Variants in MCU observed in about 807,000 individuals in gnomAD.
MCU encodes the protein calcium uniporter protein, mitochondrial.
Under a neutral mutation model 45.2 loss-of-function variants are expected in MCU, and 12 were observed. The observed-to-expected ratio is 0.27, with a 90% CI of 0.17 to 0.43. The LOEUF is 0.43. Among genes scored for constraint, MCU ranks in the 20% least tolerant of loss-of-function variants. The pLI is 1.00. For missense variants in MCU, 324 were observed against 436.7 expected (o/e 0.74, Z 2.30); for synonymous variants, 160 against 165.1 (o/e 0.97, Z 0.24).
At chr10:72,863,741 C>G (rs531984200) in intron 4 of MCU, among the ~76,000 whole-genome samples, 23 of 152,138 alleles carry the variant, frequency 1.5e-4, no homozygotes, top group Non-Finnish European at 3.4e-4. Context: ...CTCAGCCTCC[C>G]TGTAACTGGG....
At position 72,859,110 on chromosome 10, in the gene MCU, G is replaced by C. The variant is rs1845336981; in HGVS notation, c.221-67G>C. The C allele has an allele frequency of 2.8e-6, 4 of 1,416,178 alleles. No homozygotes were observed. The African/African-American group carries it at 5.7e-5, about 20-fold the overall frequency. The allele number at this position is 1,416,178 out of a possible 1,614,324, so 87.7% of individuals were successfully genotyped here. On this transcript the variant is annotated intron_variant, in intron 2 of 7. Coordinates refer to ENST00000373053, the MANE Select transcript of MCU (RefSeq NM_138357.3). Reference sequence around the variant, plus strand: ...AATAATAGACCCCCATGCAAGAATGGTAATAATGTGACTTTAACTTACATT... The same window carrying C: ...AATAATAGACCCCCATGCAAGAATGCTAATAATGTGACTTTAACTTACATT...
At chr10:72,831,497 TTTTTG>T (rs531976791) in intron 1 of MCU, among the ~76,000 whole-genome samples, 257 of 152,258 alleles carry the variant, frequency 1.7e-3, no homozygotes, top group African/African-American at 5.3e-3. Context: ...ATAGGGTTGG[TTTTTG>T]TTTTGTTTTG....
intron 2 of MCU, among the ~76,000 whole-genome samples, chr10:72,845,283 C>T (rs1379321660): frequency 1.3e-5 from 2 of 151,984 alleles, no homozygotes; most frequent in African/African-American, 4.8e-5. Context: ...AAATGTGAAA[C>T]ACAAGGCTCT....
At chr10:72,877,994 A>T (rs1168226871) in intron 6 of MCU, among the ~76,000 whole-genome samples, 3 of 152,088 alleles carry the variant, frequency 2.0e-5, no homozygotes, top group Non-Finnish European at 4.4e-5. Flanking sequence ...TAGTCCTGGA[A>T]TACTGGTAAT....
At chr10:72,741,567 A>G (rs574272331) in intron 1 of MCU, among the ~76,000 whole-genome samples, 1 of 152,350 alleles carries the variant, frequency 6.6e-6, no homozygotes, top group East Asian at 1.9e-4. Context: ...AGTGAGAGGC[A>G]TCTTAACAGT....
intron 6 of MCU, 105 bp from the exon 7 acceptor site, chr10:72,884,161 T>A (rs1845745575): frequency 4.2e-6 from 3 of 718,890 alleles, no homozygotes. Context: ...ACAGCACATG[T>A]CAGCACACAC....
intron 1 of MCU, among the ~76,000 whole-genome samples, chr10:72,810,122 T>G (rs1844517143): frequency 6.6e-6 from 1 of 151,860 alleles, no homozygotes; most frequent in Non-Finnish European, 1.5e-5. Flanking sequence ...GTTGGAGACA[T>G]TAAAGATGCA....
intron 1 of MCU, among the ~76,000 whole-genome samples, chr10:72,703,069 A>G (rs1057459844): frequency 5.9e-5 from 9 of 152,302 alleles, no homozygotes; most frequent in South Asian, 2.1e-4. Flanking sequence ...CCAATCTGAC[A>G]TGACCTCATG....
At chr10:72,707,450 C>A (rs1210785244) in intron 1 of MCU, among the ~76,000 whole-genome samples, 1 of 152,108 alleles carries the variant, frequency 6.6e-6, no homozygotes, top group African/African-American at 2.4e-5. Flanking sequence ...TCACCCGCCT[C>A]GGCCTCCCAA....
intron 1 of MCU, among the ~76,000 whole-genome samples, chr10:72,783,175 C>T (rs1377220991): frequency 6.6e-6 from 1 of 152,180 alleles, no homozygotes; most frequent in Non-Finnish European, 1.5e-5. Context: ...TAGAGAATGT[C>T]AATGTGTAGA....
At chr10:72,763,470 A>G (rs1435662200) in intron 1 of MCU, among the ~76,000 whole-genome samples, 1 of 152,078 alleles carries the variant, frequency 6.6e-6, no homozygotes, top group Non-Finnish European at 1.5e-5. Flanking sequence ...CTACATGAGT[A>G]TATATAGAGG....
chr10:72,786,153 TTTAG>T (rs1244887939), intron 1 of MCU, among the ~76,000 whole-genome samples: 1 of 152,112 alleles, frequency 6.6e-6, no homozygotes, highest in Non-Finnish European at 1.5e-5. Flanking sequence ...TGTCATCCAG[TTTAG>T]TTAATGTAGT....
chr10:72,699,471 C>T (rs186735660), intron 1 of MCU, among the ~76,000 whole-genome samples: 54 of 151,994 alleles, frequency 3.6e-4, no homozygotes, highest in Admixed American at 5.9e-4. Context: ...CATGCCACTG[C>T]ACTCCAGCCT....
At chr10:72,880,338 G>A (rs1845681081) in intron 6 of MCU, among the ~76,000 whole-genome samples, 1 of 152,142 alleles carries the variant, frequency 6.6e-6, no homozygotes, top group African/African-American at 2.4e-5. Context: ...GTTTCATAAG[G>A]TTATTGGATA....
chr10:72,710,931 G>A (rs559326393), intron 1 of MCU, among the ~76,000 whole-genome samples: 4 of 151,774 alleles, frequency 2.6e-5, no homozygotes, highest in African/African-American at 4.8e-5. Context: ...TAATCCCAGC[G>A]CTTTGGGAGG....
chr10:72,791,341 A>G (rs1844156930), intron 1 of MCU, among the ~76,000 whole-genome samples: 1 of 152,218 alleles, frequency 6.6e-6, no homozygotes, highest in Non-Finnish European at 1.5e-5. Context: ...TGTTGTGTAT[A>G]GACTGTAAAC....
At chr10:72,720,356 G>C (rs1361782072) in intron 1 of MCU, among the ~76,000 whole-genome samples, 1 of 152,170 alleles carries the variant, frequency 6.6e-6, no homozygotes, top group Non-Finnish European at 1.5e-5. Flanking sequence ...ATGGAATTAG[G>C]AATTCAGGTA....
chr10:72,812,469 T>C (rs191187242), intron 1 of MCU, among the ~76,000 whole-genome samples: 37 of 152,270 alleles, frequency 2.4e-4, no homozygotes, highest in African/African-American at 8.7e-4. Context: ...TACTTCATTA[T>C]TGATATGAGG....
intron 1 of MCU, among the ~76,000 whole-genome samples, chr10:72,714,648 A>T (rs1441919491): frequency 6.6e-6 from 1 of 151,666 alleles, no homozygotes; most frequent in African/African-American, 2.4e-5. Context: ...GGGTTAAAGC[A>T]ATTCTCCTGC....
Sources: gnomAD v4.1 joint callset for allele counts (sites outside exome capture counted in the v4.1 genomes callset) on GRCh38, gnomAD v4.1.1 for gene constraint, MANE v1.5 for transcripts, NCBI Gene and HGNC (gene_info 2026-07-23, HGNC 2026-07-21) for gene names.